The following TENM2 variants were observed in gnomAD, a reference collection of about 807,000 sequenced individuals.
TENM2 encodes the protein teneurin-2.
In TENM2, 52 loss-of-function variants were observed where a neutral mutation model predicts 245.2. The observed-to-expected ratio is 0.21, with a 90% CI of 0.17 to 0.27. TENM2 has a LOEUF of 0.27. TENM2 is among the 10% of genes least tolerant of loss of function. The probability of loss-of-function intolerance (pLI) is 1.00; values close to 1 mark genes in which losing one functional copy is unlikely to be tolerated. For missense variants in TENM2, 3,046 were observed against 3,666.8 expected (o/e 0.83, Z 4.37); for synonymous variants, 1,363 against 1,438.9 (o/e 0.95, Z 1.19).
chr5:167,811,008 A>T (rs78324733), intron 2 of TENM2, among the ~76,000 whole-genome samples: 2,503 of 152,228 alleles, frequency 0.016, 77 homozygotes, highest in East Asian at 0.13. Flanking sequence ...GGCCACACAG[A>T]ATGAAAGACA....
exon 5 of TENM2, chr5:167,993,097 C>G (rs1201009967): frequency 6.2e-7 from 1 of 1,613,932 alleles, no homozygotes; most frequent in Non-Finnish European, 8.5e-7. Flanking sequence ...TGAAGAAGCC[C>G]TCCAAATACT....
At chr5:167,492,978 G>C (rs935780789) in intron 2 of TENM2, among the ~76,000 whole-genome samples, 1 of 152,126 alleles carries the variant, frequency 6.6e-6, no homozygotes, top group Admixed American at 6.6e-5. Flanking sequence ...GGAAATCATA[G>C]AGGAGATGCA....
intron 13 of TENM2, among the ~76,000 whole-genome samples, chr5:168,164,356 C>T (rs1758020597): frequency 6.6e-6 from 1 of 152,054 alleles, no homozygotes; most frequent in South Asian, 2.1e-4. Context: ...GCCATAGATA[C>T]TATGCTATGT....
chr5:167,085,354 T>C, the TENM2 span, among the ~76,000 whole-genome samples: 7 of 152,320 alleles, frequency 4.6e-5, no homozygotes, highest in East Asian at 1.3e-3. Context: ...AAGATAATGA[T>C]TGTTAGGTAG....
chr5:167,974,501 C>A (rs911631367), intron 4 of TENM2, among the ~76,000 whole-genome samples: 5 of 150,046 alleles, frequency 3.3e-5, no homozygotes, highest in Non-Finnish European at 7.4e-5. Context: ...TTAAAGTAGG[C>A]AGTCTATGGG....
intron 7 of TENM2, among the ~76,000 whole-genome samples, chr5:168,068,083 A>G (rs1790664463): frequency 6.6e-6 from 1 of 152,140 alleles, no homozygotes; most frequent in Admixed American, 6.6e-5. Context: ...AGCTGGTGGC[A>G]TCCTAACAGG....
chr5:167,413,932 G>A (rs1195308859), intron 2 of TENM2, among the ~76,000 whole-genome samples: 2 of 152,090 alleles, frequency 1.3e-5, no homozygotes, highest in Non-Finnish European at 2.9e-5. Context: ...ACGTTTCTCA[G>A]TAATGAACAA....
At chr5:167,979,248 G>A (rs1456436175) in intron 4 of TENM2, among the ~76,000 whole-genome samples, 1 of 152,092 alleles carries the variant, frequency 6.6e-6, no homozygotes, top group African/African-American at 2.4e-5. Flanking sequence ...TTCTCTAGGT[G>A]GAGGGGGATC....
intron 2 of TENM2, among the ~76,000 whole-genome samples, chr5:167,480,590 A>G (rs1767695587): frequency 2.0e-5 from 3 of 152,208 alleles, no homozygotes; most frequent in Non-Finnish European, 2.9e-5. Flanking sequence ...CTGCATTTTG[A>G]CACAAAATCT....
At chr5:167,077,735 G>A in the TENM2 span, among the ~76,000 whole-genome samples, 1 of 152,120 alleles carries the variant, frequency 6.6e-6, no homozygotes, top group Non-Finnish European at 1.5e-5. Flanking sequence ...ACCTTTTAGT[G>A]TATGAATCAA....
At chr5:168,086,607 A>G (rs764110660) in intron 7 of TENM2, among the ~76,000 whole-genome samples, 8 of 152,144 alleles carry the variant, frequency 5.3e-5, no homozygotes, top group Non-Finnish European at 1.0e-4. Context: ...CGGTGCACAG[A>G]CACATCCTTC....
the TENM2 span, among the ~76,000 whole-genome samples, chr5:167,180,647 A>G: frequency 2.6e-5 from 4 of 152,186 alleles, no homozygotes; most frequent in Admixed American, 6.5e-5. Context: ...TGGTAACATC[A>G]GTAGTCAATT....
At chr5:167,215,014 T>C in the TENM2 span, among the ~76,000 whole-genome samples, 1 of 152,238 alleles carries the variant, frequency 6.6e-6, no homozygotes, top group African/African-American at 2.4e-5. Flanking sequence ...TATATAGTTC[T>C]CTCTAGGAAT....
At chr5:167,502,177 A>G (rs1041723912) in intron 2 of TENM2, among the ~76,000 whole-genome samples, 3 of 152,192 alleles carry the variant, frequency 2.0e-5, no homozygotes, top group East Asian at 3.9e-4. Context: ...TGTGATAACA[A>G]TAGTGGGATG....
intron 4 of TENM2, among the ~76,000 whole-genome samples, chr5:167,985,540 T>C (rs1037194152): frequency 5.9e-5 from 9 of 152,188 alleles, no homozygotes; most frequent in African/African-American, 1.7e-4. Flanking sequence ...TAGTCATTAG[T>C]TGTCCTGGTT....
intron 1 of TENM2, among the ~76,000 whole-genome samples, chr5:167,301,011 C>T (rs1217973332): frequency 6.6e-6 from 1 of 152,064 alleles, no homozygotes; most frequent in Non-Finnish European, 1.5e-5. Context: ...GGGAACAGCC[C>T]TTGAAAAGAA....
chr5:167,373,852 A>T (rs1290730395), intron 1 of TENM2, among the ~76,000 whole-genome samples: 1 of 152,214 alleles, frequency 6.6e-6, no homozygotes, highest in African/African-American at 2.4e-5. Flanking sequence ...AATGGCATAA[A>T]GCCTAAAGGT....
intron 8 of TENM2, among the ~76,000 whole-genome samples, chr5:168,094,421 C>A (rs1198203187): frequency 6.6e-6 from 1 of 152,066 alleles, no homozygotes; most frequent in Admixed American, 6.6e-5. Context: ...CATCCCCAGA[C>A]CCAGATGCTC....
chr5:167,872,489 A>AAAG (rs1772983659), intron 2 of TENM2, among the ~76,000 whole-genome samples: 1 of 13,280 alleles, frequency 7.5e-5, no homozygotes, highest in Admixed American at 1.5e-3. Flanking sequence ...AAAGAAAAAG[A>AAAG]AAGAAAGAAA....
Sources: gnomAD v4.1 joint callset for allele counts (sites outside exome capture counted in the v4.1 genomes callset) on GRCh38, gnomAD v4.1.1 for gene constraint, MANE v1.5 for transcripts, NCBI Gene and HGNC (gene_info 2026-07-23, HGNC 2026-07-21) for gene names.